ARHGEF3: variants seen among roughly 807,000 people sequenced by gnomAD.
The protein encoded by ARHGEF3 is Rho guanine nucleotide exchange factor 3.
In ARHGEF3, 28 loss-of-function variants were observed where a neutral mutation model predicts 63.2. The ratio of observed to expected loss-of-function variants is 0.44; its 90% CI spans 0.33 to 0.61. The LOEUF (loss-of-function observed/expected upper bound fraction) is 0.61. Ranked by LOEUF, ARHGEF3 falls within the 20% of genes least tolerant of loss-of-function variation. The pLI, the probability that ARHGEF3 is intolerant of heterozygous loss-of-function variation, is 0.03. For missense variants in ARHGEF3, 533 were observed against 659.3 expected (o/e 0.81, Z 2.10); for synonymous variants, 266 against 254.2 (o/e 1.05, Z -0.44).
intron 2 of ARHGEF3, among the ~76,000 whole-genome samples, chr3:57,029,737 G>A (rs1416060137): frequency 2.0e-5 from 3 of 152,198 alleles, no homozygotes; most frequent in Admixed American, 6.5e-5. Flanking sequence ...GTAGCAGACT[G>A]TGGGAATGCT....
chr3:56,739,901 ATTT>A (rs11391206), intron 7 of ARHGEF3, among the ~76,000 whole-genome samples: 1 of 142,186 alleles, frequency 7.0e-6, no homozygotes. Context: ...AGTTTCAAAG[ATTT>A]TTTTTTTTTT....
intron 1 of ARHGEF3, among the ~76,000 whole-genome samples, chr3:56,776,209 C>T (rs1469585997): frequency 2.0e-5 from 3 of 152,154 alleles, no homozygotes; most frequent in African/African-American, 4.8e-5. Flanking sequence ...ATGACCCAGT[C>T]GGACAGGCAT....
intron 9 of ARHGEF3, among the ~76,000 whole-genome samples, chr3:56,730,130 C>T (rs558975685): frequency 3.9e-5 from 6 of 152,156 alleles, no homozygotes; most frequent in Admixed American, 3.3e-4. Flanking sequence ...ATCTAAAAGT[C>T]GTTTCATAAT....
chr3:56,776,349 C>G (rs950415738), intron 1 of ARHGEF3, among the ~76,000 whole-genome samples: 12 of 152,194 alleles, frequency 7.9e-5, no homozygotes, highest in African/African-American at 2.7e-4. Context: ...ATGTAAACAT[C>G]AGGCTGCTCT....
chr3:56,733,452 G>C (rs1287113473), intron 8 of ARHGEF3, among the ~76,000 whole-genome samples: 2 of 150,102 alleles, frequency 1.3e-5, no homozygotes, highest in Non-Finnish European at 3.0e-5. Flanking sequence ...CTTCAGCCTG[G>C]GTGACAGAGC....
chr3:56,959,621 T>C (rs932412527), intron 2 of ARHGEF3, among the ~76,000 whole-genome samples: 1 of 152,228 alleles, frequency 6.6e-6, no homozygotes, highest in Non-Finnish European at 1.5e-5. Context: ...ATTTCATGTT[T>C]GCTGAAAAGC....
intron 2 of ARHGEF3, among the ~76,000 whole-genome samples, chr3:56,988,419 T>C (rs13072111): frequency 0.14 from 21,087 of 152,186 alleles, 1,961 homozygotes; most frequent in Non-Finnish European, 0.2. Flanking sequence ...AGTGCTGCGA[T>C]TACAGGCATG....
At chr3:56,865,973 C>A (rs2040236902) in intron 4 of ARHGEF3, among the ~76,000 whole-genome samples, 1 of 148,616 alleles carries the variant, frequency 6.7e-6, no homozygotes, top group South Asian at 2.2e-4. Flanking sequence ...GAATCATTTG[C>A]CTTTTGGGTT....
intron 4 of ARHGEF3, among the ~76,000 whole-genome samples, chr3:56,829,359 C>G (rs921690134): frequency 1.1e-4 from 16 of 152,130 alleles, no homozygotes; most frequent in Non-Finnish European, 1.6e-4. Flanking sequence ...GCTTTTCTCA[C>G]CTCCTGGAAG....
intron 2 of ARHGEF3, among the ~76,000 whole-genome samples, chr3:56,969,696 G>A (rs946173765): frequency 2.7e-5 from 4 of 149,420 alleles, no homozygotes; most frequent in African/African-American, 7.4e-5. Context: ...GCTTGAACCA[G>A]GGACCGAGAT....
At chr3:56,733,534 C>T (rs368880218) in intron 8 of ARHGEF3, among the ~76,000 whole-genome samples, 113 of 152,028 alleles carry the variant, frequency 7.4e-4, no homozygotes, top group African/African-American at 2.3e-3. Context: ...AAAAATGAGA[C>T]TGGTATATCA....
intron 1 of ARHGEF3, among the ~76,000 whole-genome samples, chr3:57,071,733 G>A (rs1705919267): frequency 6.6e-6 from 1 of 150,580 alleles, no homozygotes; most frequent in Admixed American, 6.6e-5. Flanking sequence ...TCTTACGTAT[G>A]ACACCAAAAG....
intron 1 of ARHGEF3, among the ~76,000 whole-genome samples, chr3:56,781,118 T>C (rs188052135): frequency 5.3e-5 from 8 of 152,190 alleles, no homozygotes; most frequent in African/African-American, 1.9e-4. Context: ...AGGTGGAGAC[T>C]GGAGTGATGT....
chr3:56,915,474 A>AAAAC (rs2041963368), intron 3 of ARHGEF3, among the ~76,000 whole-genome samples: 1 of 152,118 alleles, frequency 6.6e-6, no homozygotes, highest in Non-Finnish European at 1.5e-5. Flanking sequence ...TCAAAAAACA[A>AAAAC]AAACAAACAA....
chr3:56,980,076 G>A (rs4464419), intron 2 of ARHGEF3, among the ~76,000 whole-genome samples: 20,455 of 152,106 alleles, frequency 0.13, 1,808 homozygotes, highest in Non-Finnish European at 0.19. Context: ...GATAACTCAC[G>A]CGCACCTCAA....
intron 3 of ARHGEF3, chr3:56,916,300 G>C (rs756506393): frequency 2.0e-6 from 3 of 1,535,082 alleles, no homozygotes. Context: ...TCAGCAGCAG[G>C]GGGCTTACCT....
intron 3 of ARHGEF3, among the ~76,000 whole-genome samples, chr3:56,919,811 A>C (rs2042080673): frequency 6.6e-6 from 1 of 152,234 alleles, no homozygotes; most frequent in Admixed American, 6.5e-5. Context: ...GATTTAAAAA[A>C]ACTGAGACTC....
chr3:56,752,820 G>T (rs1202072767), intron 4 of ARHGEF3, among the ~76,000 whole-genome samples: 3 of 152,184 alleles, frequency 2.0e-5, no homozygotes, highest in Admixed American at 6.5e-5. Context: ...CATCTCTCAG[G>T]AATGCTAGAG....
chr3:56,754,033 G>A (rs2034922805), intron 3 of ARHGEF3, among the ~76,000 whole-genome samples: 1 of 152,122 alleles, frequency 6.6e-6, no homozygotes, highest in South Asian at 2.1e-4. Context: ...AGTTTTATTT[G>A]TATTATCCAC....
Sources: gnomAD v4.1 joint callset for allele counts (sites outside exome capture counted in the v4.1 genomes callset) on GRCh38, gnomAD v4.1.1 for gene constraint, MANE v1.5 for transcripts, NCBI Gene and HGNC (gene_info 2026-07-23, HGNC 2026-07-21) for gene names.